Variants in ADAR observed in about 807,000 individuals in gnomAD.
The protein encoded by ADAR is adenosine deaminase RNA specific, also known as double-stranded RNA-specific adenosine deaminase.
Under a neutral mutation model 113.2 loss-of-function variants are expected in ADAR, and 41 were observed. The observed-to-expected ratio is 0.36, with a 90% confidence interval of 0.28 to 0.47. ADAR has a LOEUF of 0.47. ADAR is among the 20% of genes least tolerant of loss of function. The probability of loss-of-function intolerance (pLI) is 1.00; values close to 1 mark genes in which losing one functional copy is unlikely to be tolerated. For missense variants in ADAR, 1,242 were observed against 1,540.9 expected, an observed-to-expected ratio of 0.81 and a Z score of 3.25; for synonymous variants, 605 against 572.6, an observed-to-expected ratio of 1.06 and a Z score of -0.81.
In ADAR at chr1:154,601,525, G is replaced by A; in HGVS notation, c.1117C>T (p.Pro373Ser). Residue 373 changes from proline (P) to serine (S), a missense_variant, in exon 2 of 15, where the codon CCT (proline) becomes TCT (serine). Around this residue, in one of 2 missense-constraint regions of ADAR, gnomAD observed 462 missense variants for 483.1 expected, o/e 0.96. Coordinates refer to ENST00000368474, the MANE Select transcript of ADAR (RefSeq NM_001111.5). The surrounding 1 kb of genome is among the most constrained non-coding windows in gnomAD (Gnocchi z 4.7). ...GGGATTGCAGCTGGAGCGGTTTCAG[G>A]AACACTGTTCGTATTTCTCTTGATT... ...MQIKRNTNSV[P>S]ETAPAAIPET... 1 of 1,613,574 alleles carries A rather than the reference G, an allele frequency of 6.2e-7. No homozygotes were observed. The highest frequency in any genetic ancestry group is 1.1e-5 in the South Asian group (1 of 91,082).
At chr1:154,609,247 G>C (rs1432011285), upstream of ADAR, among the ~76,000 whole-genome samples, 2 of 152,112 alleles carry the variant, frequency 1.3e-5, no homozygotes, top group Non-Finnish European at 2.9e-5. Flanking sequence ...TATCTAGAGG[G>C]ACAAAAGTCA....
intron 12 of ADAR, 27 bp downstream of exon 12, chr1:154,586,154 T>A: frequency 6.2e-7 from 1 of 1,613,482 alleles, no homozygotes; most frequent in Non-Finnish European, 8.5e-7. Context: ...GACAGACCAG[T>A]TCCAGATCCC....
At chr1:154,599,910 C>T (rs1000691926) in intron 2 of ADAR, among the ~76,000 whole-genome samples, 1 of 152,188 alleles carries the variant, frequency 6.6e-6, no homozygotes, top group Admixed American at 6.5e-5. Context: ...AGGCAGGCAG[C>T]CGTGCACACG....
At chr1:154,618,456 TAATAGGTC>T (rs1698695749) in intron 1 of ADAR, among the ~76,000 whole-genome samples, 3 of 152,270 alleles carry the variant, frequency 2.0e-5, no homozygotes, top group Middle Eastern at 3.4e-3. Context: ...CAGATGCAAT[TAATAGGTC>T]ATTGGATGGG....
chr1:154,589,056 C>T (rs1696951680), intron 9 of ADAR, among the ~76,000 whole-genome samples: 1 of 152,186 alleles, frequency 6.6e-6, no homozygotes, highest in Non-Finnish European at 1.5e-5. Context: ...AAATGGAAAG[C>T]TGCCTCATCC....
chr1:154,584,021 T>C lies in ADAR; in HGVS notation c.*785A>G, dbSNP rs2101551744. ...GCTCCCTGGGAAGTGGTCTGTGTCATCCTGCCGGGTGAAACCTCTGCTATT... is the reference window on the plus strand; with the variant it reads ...GCTCCCTGGGAAGTGGTCTGTGTCACCCTGCCGGGTGAAACCTCTGCTATT... On this transcript the variant is annotated 3_prime_UTR_variant, in exon 15 of 15. Coordinates refer to ENST00000368474, the MANE Select transcript of ADAR (RefSeq NM_001111.5). The C allele has an allele frequency of 6.6e-6, 1 of 152,354 alleles. No individual in the cohort carries two copies. The highest frequency in any genetic ancestry group is 2.1e-4 in the South Asian group (1 of 4,822). The allele number at this position is 152,354 out of a possible 1,614,324, so 9.4% of individuals were successfully genotyped here. A position where few individuals can be genotyped will look rare whatever the true frequency, so the allele number is the denominator to read the frequency against.
In ADAR at chr1:154,601,161, T is replaced by C. The variant is rs754377216; in HGVS notation, c.1481A>G (p.Lys494Arg). The C allele has an allele frequency of 1.2e-6, 2 of 1,614,226 alleles. No individual in the cohort carries two copies. Among genetic ancestry groups the C allele is most frequent in the Admixed American group, 1.7e-5 (1 of 60,034 alleles). ...SHGLPRCSPY[K>R]KLTECQLKNP... Reference sequence around the variant, plus strand: ...CTTCAGCTGGCACTCTGTCAGTTTCTTGTAGGGTGAACACCGTGGCAAGCC... The same window carrying C: ...CTTCAGCTGGCACTCTGTCAGTTTCCTGTAGGGTGAACACCGTGGCAAGCC... The change falls in exon 2 of 15, where the codon AAG becomes AGG. Residue 494 changes from lysine (K) to arginine (R), a missense_variant. Lys to Arg is a conservative substitution (Grantham distance 26). Transcript: ENST00000368474. The surrounding 1 kb of genome is among the most constrained non-coding windows in gnomAD (Gnocchi z 4.7).
chr1:154,589,067 T>C (rs1009085904), intron 9 of ADAR, among the ~76,000 whole-genome samples: 1 of 152,236 alleles, frequency 6.6e-6, no homozygotes, highest in South Asian at 2.1e-4. Flanking sequence ...TGCCTCATCC[T>C]CAAGGCCCTG....
At chr1:154,595,105 C>T (rs1697408110) in intron 6 of ADAR, among the ~76,000 whole-genome samples, 1 of 152,126 alleles carries the variant, frequency 6.6e-6, no homozygotes, top group Non-Finnish European at 1.5e-5. Flanking sequence ...AGGTGAGTGG[C>T]GAGCAAGAAA....
At chr1:154,597,469 C>A (rs562711529) in intron 4 of ADAR, among the ~76,000 whole-genome samples, 1 of 152,198 alleles carries the variant, frequency 6.6e-6, no homozygotes, top group African/African-American at 2.4e-5. Flanking sequence ...ATTTAAGCAT[C>A]AACCTAGTTT....
chr1:154,620,651 T>G (rs921322913), intron 1 of ADAR, among the ~76,000 whole-genome samples: 1 of 152,138 alleles, frequency 6.6e-6, no homozygotes, highest in Non-Finnish European at 1.5e-5. Context: ...CATACTGACA[T>G]GAAATTTTAG....
intron 1 of ADAR, among the ~76,000 whole-genome samples, chr1:154,614,788 T>C (rs1698587566): frequency 6.6e-6 from 1 of 152,166 alleles, no homozygotes. Flanking sequence ...AGCAGAAGAT[T>C]GAGGAGGAAA....
intron 2 of ADAR, 68 bp from the exon 3 acceptor site, chr1:154,598,653 C>A: frequency 6.4e-7 from 1 of 1,551,012 alleles, no homozygotes; most frequent in Non-Finnish European, 8.9e-7. Flanking sequence ...TCCAAAGAGA[C>A]CTTCAACCTG....
In ADAR at chr1:154,582,303, C is replaced by T. The variant is rs1696455272; in HGVS notation, c.*2503G>A. ...CAGCTTCAAGCACTGACAATTTTTA[C>T]AAGTGATTATTCAAGGAATGCACAG... is the stretch of plus-strand genomic sequence containing the variant. On this transcript the variant is annotated 3_prime_UTR_variant, in exon 15 of 15. Coordinates refer to ENST00000368474, the MANE Select transcript of ADAR (RefSeq NM_001111.5). The T allele has an allele frequency of 6.6e-6, 1 of 152,256 alleles. No individual in the cohort carries two copies. The allele number at this position is 152,256 out of a possible 1,614,324, so 9.4% of individuals were successfully genotyped here.
intron 1 of ADAR, among the ~76,000 whole-genome samples, chr1:154,614,017 GA>G (rs1557901635): frequency 6.6e-6 from 1 of 151,070 alleles, no homozygotes; most frequent in African/African-American, 2.4e-5. Context: ...TAGTAACAAA[GA>G]AAAAAAGTGG....
At chr1:154,600,143 G>C (rs376066786) in intron 2 of ADAR, 1 of 152,486 alleles carries the variant, frequency 6.6e-6, no homozygotes, top group African/African-American at 2.4e-5. Flanking sequence ...GATGCATGGA[G>C]ATCAATCATG....
chr1:154,585,422 T>C (rs1390086680), intron 13 of ADAR, 78 bp from the exon 14 acceptor site: 11 of 1,602,260 alleles, frequency 6.9e-6, no homozygotes, highest in African/African-American at 1.3e-5. Context: ...TCAAGACTCA[T>C]AGGAGAGAGG....
intron 6 of ADAR, among the ~76,000 whole-genome samples, chr1:154,594,653 G>A (rs1697379990): frequency 6.6e-6 from 1 of 152,204 alleles, no homozygotes; most frequent in Non-Finnish European, 1.5e-5. Flanking sequence ...GTGACCAGCT[G>A]CATGTTTAAC....
chr1:154,596,975 C>T lies in ADAR; in HGVS notation c.2100G>A (p.Glu700=). ...TCATGGATTCCAAGTTATCAAGTGA[C>T]TCTGAGATCATACCTTCAGGCTAAA... ...SDNQPEGMIS[E]SLDNLESMMP... is the part of the protein sequence containing the mutation. The change falls in exon 6 of 15, where the codon GAG becomes GAA. Residue 700 remains glutamate, a synonymous_variant. Coordinates refer to ENST00000368474, the MANE Select transcript of ADAR (RefSeq NM_001111.5). 1 of 1,614,192 alleles carries T rather than the reference C, an allele frequency of 6.2e-7. No individual in the cohort carries two copies. Among genetic ancestry groups the T allele is most frequent in the Non-Finnish European group, 8.5e-7 (1 of 1,180,050 alleles).
Sources: allele counts gnomAD v4.1 joint callset (sites outside exome capture counted in the v4.1 genomes callset), GRCh38; gene constraint gnomAD v4.1.1; regional missense constraint gnomAD v4.1.1; non-coding constraint Gnocchi (gnomAD v3.1); transcripts MANE v1.5; gene names NCBI Gene and HGNC (gene_info 2026-07-23, HGNC 2026-07-21).